Variants in AKAP1 observed in about 807,000 individuals in gnomAD.
The protein encoded by AKAP1 is A-kinase anchoring protein 1, also known as A-kinase anchor protein 1, mitochondrial.
A neutral mutation model predicts 79.8 loss-of-function variants in AKAP1; 32 were observed. The ratio of observed to expected loss-of-function variants is 0.40; its 90% CI spans 0.30 to 0.54. The LOEUF (loss-of-function observed/expected upper bound fraction) is 0.54, where lower values mean the gene tolerates loss of function less well. Among genes scored for constraint, AKAP1 ranks in the 20% least tolerant of loss-of-function variants. AKAP1 has a pLI of 0.47. For synonymous variants in AKAP1, 416 were observed against 466.7 expected (o/e 0.89, Z 1.40); for missense variants, 961 against 1,138.9 (o/e 0.84, Z 2.25).
chr17:57,087,514 A>G (rs1913534077), intron 1 of AKAP1, among the ~76,000 whole-genome samples: 2 of 152,154 alleles, frequency 1.3e-5, no homozygotes, highest in African/African-American at 4.8e-5. Flanking sequence ...TTGCAGCCAT[A>G]TTTTAGGGGA....
chr17:57,103,940 C>T (rs1234508106), intron 1 of AKAP1, among the ~76,000 whole-genome samples: 1 of 152,146 alleles, frequency 6.6e-6, no homozygotes, highest in Non-Finnish European at 1.5e-5. Flanking sequence ...TACTATTCCT[C>T]CTTGCTTAGA....
At chr17:57,102,475 CTTT>C (rs200892328) in intron 1 of AKAP1, among the ~76,000 whole-genome samples, 1 of 141,208 alleles carries the variant, frequency 7.1e-6, no homozygotes, top group African/African-American at 2.6e-5. Flanking sequence ...ATGCCTTGAG[CTTT>C]TTTTTTTTTT....
intron 7 of AKAP1, 23 bp downstream of exon 7, chr17:57,116,284 G>A: frequency 1.2e-6 from 2 of 1,613,784 alleles, no homozygotes; most frequent in South Asian, 2.2e-5. Flanking sequence ...GCCTCAGGCA[G>A]GCCTACGCCC....
chr17:57,088,594 G>T (rs1597954870), intron 1 of AKAP1, among the ~76,000 whole-genome samples: 2 of 152,306 alleles, frequency 1.3e-5, no homozygotes, highest in East Asian at 3.9e-4. Context: ...AGGTCCTCTG[G>T]ATGGCTTTTG....
At chr17:57,109,556 C>T (rs1915105255) in intron 2 of AKAP1, among the ~76,000 whole-genome samples, 1 of 152,234 alleles carries the variant, frequency 6.6e-6, no homozygotes, top group Non-Finnish European at 1.5e-5. Flanking sequence ...GTACCTATGA[C>T]CCTGGGACTG....
intron 1 of AKAP1, among the ~76,000 whole-genome samples, chr17:57,090,491 G>A (rs1179505427): frequency 2.1e-5 from 3 of 142,726 alleles, no homozygotes; most frequent in Non-Finnish European, 4.6e-5. Context: ...CTCTGCCCCT[G>A]CCGCCCCCCA....
chr17:57,119,030 G>C lies in AKAP1; in HGVS notation c.2623G>C (p.Val875Leu). 1 of 1,613,856 alleles carries C rather than the reference G, an allele frequency of 6.2e-7. No individual in the cohort carries two copies. The highest frequency in any genetic ancestry group is 8.5e-7 in the Non-Finnish European group (1 of 1,179,750). Residue 875 changes from valine (V) to leucine (L), a missense_variant, in exon 10 of 11, where the codon GTG (valine) becomes CTG (leucine). Around this residue, in one of 3 missense-constraint regions of AKAP1, gnomAD observed 629 missense variants for 781.1 expected, o/e 0.81. Transcript: ENST00000337714. ...TCTTCCTCTGATTCAGCTGTGGAGTGTGGTTGGAGATGAAGTAAGTTCTGC... is the reference window on the plus strand; with the variant it reads ...TCTTCCTCTGATTCAGCTGTGGAGTCTGGTTGGAGATGAAGTAAGTTCTGC... ...TGLPLIQLWS[V>L]VGDEVVLINR...
Position 57,112,589 on chromosome 17 carries a change from G to A in AKAP1, c.2074G>A (p.Ala692Thr). Residue 692 changes from alanine (A) to threonine (T), a missense_variant, in exon 5 of 11, where the codon GCA becomes ACA. Physicochemically the swap from Ala to Thr is moderately conservative, Grantham distance 58 (BLOSUM62 0). This residue lies in a region of AKAP1 where 629 missense variants were observed against 781.1 expected (regional missense o/e 0.81). Transcript: ENST00000337714. ...CTACGCTCCCCCATTGCCTTCACTGGCACTGCCTTCTCTGCCGATGACATC... is the reference window on the plus strand; with the variant it reads ...CTACGCTCCCCCATTGCCTTCACTGACACTGCCTTCTCTGCCGATGACATC... ...NIYAPPLPSL[A>T]LPSLPMTSWL... The A allele has an allele frequency of 6.2e-7, 1 of 1,613,994 alleles. No homozygotes were observed. Among genetic ancestry groups the A allele is most frequent in the Non-Finnish European group, 8.5e-7 (1 of 1,179,968 alleles).
Position 57,110,103 on chromosome 17 carries a change from C to A in AKAP1, c.1793C>A (p.Ala598Glu). 6.2e-7 allele frequency: 1 copy of A among 1,614,204 alleles called. No homozygotes were observed. Among genetic ancestry groups the A allele is most frequent in the Non-Finnish European group, 8.5e-7 (1 of 1,180,032 alleles). Residue 598 changes from alanine (A) to glutamate (E), a missense_variant, in exon 3 of 11, where the codon GCA becomes GAA. This residue lies in a region of AKAP1 where 629 missense variants were observed against 781.1 expected (regional missense o/e 0.81). Transcript: ENST00000337714. ...KKTESFQNAQ[A>E]GSNPKKVDLI... ...ACTGAGAGCTTCCAAAATGCCCAGG[C>A]AGGCTCCAACCCTAAGAAGGTCGAC...
rs1242856746 is a variant in AKAP1 at position 57,120,753 on chromosome 17, G to T, written c.*429G>T. On this transcript the variant is annotated 3_prime_UTR_variant, in exon 11 of 11. Coordinates refer to ENST00000337714, the MANE Select transcript of AKAP1 (RefSeq NM_003488.4). Reference sequence around the variant, plus strand: ...TTTTACTTCAAAATCTTTCTTCAGGGAGCAAGACATGAACTGACTAATTGG... The same window carrying T: ...TTTTACTTCAAAATCTTTCTTCAGGTAGCAAGACATGAACTGACTAATTGG... 6.3e-6 allele frequency: 1 copy of T among 159,188 alleles called. No individual in the cohort carries two copies. The highest frequency in any genetic ancestry group is 1.4e-5 in the Non-Finnish European group (1 of 72,124). The allele number at this position is 159,188 out of a possible 1,614,324, so 9.9% of individuals were successfully genotyped here.
Position 57,120,407 on chromosome 17 carries a change from A to G in AKAP1, c.*83A>G, listed in dbSNP as rs1567920411. The G allele has an allele frequency of 8.1e-7, 1 of 1,234,038 alleles. No individual in the cohort carries two copies. The highest frequency in any genetic ancestry group is 1.2e-6 in the Non-Finnish European group (1 of 855,832). The allele number at this position is 1,234,038 out of a possible 1,614,324, so 76.4% of individuals were successfully genotyped here. On this transcript the variant is annotated 3_prime_UTR_variant, in exon 11 of 11. Transcript: ENST00000337714. ...CAAGTCAAAGATGAACATCGGAATAACAAACATTGTCCTCTCCAGAAAGTC... is the reference window on the plus strand; with the variant it reads ...CAAGTCAAAGATGAACATCGGAATAGCAAACATTGTCCTCTCCAGAAAGTC...
intron 6 of AKAP1, 88 bp downstream of exon 6, chr17:57,114,724 G>A (rs1028264169): frequency 2.2e-5 from 29 of 1,335,648 alleles, no homozygotes; most frequent in Admixed American, 4.2e-5. Context: ...GCTGTTCTGC[G>A]ATCCTTCATG....
At chr17:57,119,941 G>A (rs1915828460) in intron 10 of AKAP1, among the ~76,000 whole-genome samples, 1 of 148,188 alleles carries the variant, frequency 6.7e-6, no homozygotes, top group Non-Finnish European at 1.5e-5. Context: ...AAGCGATTCT[G>A]CTTCAGCCTC....
chr17:57,109,299 G>A (rs1033707207), intron 2 of AKAP1, among the ~76,000 whole-genome samples: 8 of 152,298 alleles, frequency 5.3e-5, no homozygotes, highest in South Asian at 2.1e-4. Flanking sequence ...AGCCCAGGTC[G>A]GGAGCAGAGT....
At chr17:57,089,140 AG>A (rs1262849406) in intron 1 of AKAP1, among the ~76,000 whole-genome samples, 12 of 152,184 alleles carry the variant, frequency 7.9e-5, no homozygotes, top group South Asian at 2.1e-4. Context: ...TGGCTAAAAG[AG>A]GTTTGGTCAA....
chr17:57,091,069 A>C (rs1913755638), intron 1 of AKAP1, among the ~76,000 whole-genome samples: 1 of 152,172 alleles, frequency 6.6e-6, no homozygotes, highest in African/African-American at 2.4e-5. Flanking sequence ...GGTCGATGAC[A>C]GATCTGAAGG....
chr17:57,111,999 T>A, intron 4 of AKAP1, 75 bp downstream of exon 4: 1 of 1,543,240 alleles, frequency 6.5e-7, no homozygotes, highest in Non-Finnish European at 8.8e-7. Flanking sequence ...TGAGTTTCAA[T>A]TGCTATCTTT....
intron 3 of AKAP1, 63 bp from the exon 4 acceptor site, chr17:57,111,735 C>T: frequency 1.3e-6 from 2 of 1,595,656 alleles, no homozygotes; most frequent in Non-Finnish European, 8.6e-7. Context: ...AGAAGTAGGT[C>T]TTTGGGTGTC....
intron 5 of AKAP1, among the ~76,000 whole-genome samples, chr17:57,112,920 G>A (rs867314625): frequency 1.3e-4 from 20 of 152,318 alleles, no homozygotes; most frequent in Admixed American, 2.6e-4. Context: ...AAAGGATGGT[G>A]TAGTTCGGAC....
Sources: gnomAD v4.1 joint callset for allele counts (sites outside exome capture counted in the v4.1 genomes callset) on GRCh38, gnomAD v4.1.1 for gene constraint, gnomAD v4.1.1 regional missense constraint, MANE v1.5 for transcripts, NCBI Gene and HGNC (gene_info 2026-07-23, HGNC 2026-07-21) for gene names.